Variants in PKHD1L1 observed in about 807,000 individuals in gnomAD.
The protein encoded by PKHD1L1 is PKHD1 like 1, also known as fibrocystin-L.
A neutral mutation model predicts 462.9 loss-of-function variants in PKHD1L1; 434 were observed. The ratio of observed to expected loss-of-function variants is 0.94; its 90% CI spans 0.87 to 1.02. PKHD1L1 has a LOEUF of 1.02. Among genes scored for constraint, PKHD1L1 ranks in the 50% least tolerant of loss-of-function variants. The pLI is 0.00. For missense variants in PKHD1L1, 5,202 were observed against 5,096.1 expected (o/e 1.02, Z -0.63); for synonymous variants, 1,781 against 1,750.0 (o/e 1.02, Z -0.44).
chr8:109,464,194 C>A, intron 48 of PKHD1L1, 22 bp from the exon 49 acceptor site: 1 of 1,513,100 alleles, frequency 6.6e-7, no homozygotes, highest in Non-Finnish European at 8.9e-7. Flanking sequence ...TACTAAATAA[C>A]TGTGATTTCT....
intron 48 of PKHD1L1, among the ~76,000 whole-genome samples, chr8:109,462,555 A>G (rs1343454569): frequency 6.6e-6 from 1 of 151,780 alleles, no homozygotes; most frequent in Admixed American, 6.6e-5. Flanking sequence ...TTATTTATTT[A>G]TTGTTGAGAT....
chr8:109,444,048 T>C (rs1563549251), intron 37 of PKHD1L1, 146 bp downstream of exon 37: 1 of 732,992 alleles, frequency 1.4e-6, no homozygotes, highest in African/African-American at 1.8e-5. Context: ...GTACAATTCA[T>C]AAACTTTTAG....
Position 109,390,473 on chromosome 8 carries a change from T to C in PKHD1L1, c.719T>C (p.Ile240Thr). ...CCAGGTCATCACAATGTCAGCTTCATCTTAGATAATGATTATGGAAGGTAG... is the reference window on the plus strand; with the variant it reads ...CCAGGTCATCACAATGTCAGCTTCACCTTAGATAATGATTATGGAAGGTAG... ...TFIGHHNVSF[I>T]LDNDYGRSFP... The change falls in exon 9 of 78, where the codon ATC becomes ACC. Residue 240 changes from isoleucine to threonine, a missense_variant. Ile to Thr is a moderately conservative substitution (Grantham distance 89, BLOSUM62 -1). Around this residue, in one of 3 missense-constraint regions of PKHD1L1, gnomAD observed 4,497 missense variants for 4,336.8 expected, o/e 1.04. Transcript: ENST00000378402. 1.4e-6 allele frequency: 2 copies of C among 1,448,898 alleles called. No homozygotes were observed. The highest frequency in any genetic ancestry group is 1.9e-6 in the Non-Finnish European group (2 of 1,077,508). The allele number at this position is 1,448,898 out of a possible 1,614,324, so 89.8% of individuals were successfully genotyped here.
At chr8:109,405,466 T>G (rs1298115761) in intron 16 of PKHD1L1, among the ~76,000 whole-genome samples, 1 of 152,076 alleles carries the variant, frequency 6.6e-6, no homozygotes, top group Non-Finnish European at 1.5e-5. Flanking sequence ...AATGATAGAC[T>G]GGATAAAGAA....
In PKHD1L1 at chr8:109,426,915, A is replaced by G. The variant is rs1814780096; in HGVS notation, c.2846-87A>G. 1.3e-6 allele frequency: 1 copy of G among 768,618 alleles called. No homozygotes were observed. Among genetic ancestry groups the G allele is most frequent in the Non-Finnish European group, 2.3e-6 (1 of 443,870 alleles). The allele number at this position is 768,618 out of a possible 1,614,324, so 47.6% of individuals were successfully genotyped here. On this transcript the variant is annotated intron_variant, in intron 24 of 77. Coordinates refer to ENST00000378402, the MANE Select transcript of PKHD1L1 (RefSeq NM_177531.6). ...TGACCCGCCCGCTTTGGCCTCCCAA[A>G]GTGCTAAGATTACAGGCGTGAACCA...
rs144704222 is a variant in PKHD1L1, at chr8:109,532,272, C to A, written c.*2182C>A. On this transcript the variant is annotated 3_prime_UTR_variant, in exon 78 of 78. Transcript: ENST00000378402. ...CTTTGTTAAAAAGTTCCTGTTTTAA[C>A]TGCTTTAGGCTTCTGGCTGTCTGCT... 4.3e-4 allele frequency among the ~76,000 whole-genome samples: 66 copies of A among 152,274 alleles called. 1 individual carries two copies. In the East Asian group the frequency reaches 0.012, roughly 27 times the overall value.
intron 63 of PKHD1L1, among the ~76,000 whole-genome samples, chr8:109,496,576 G>T (rs1248247831): frequency 6.6e-6 from 1 of 152,204 alleles, no homozygotes; most frequent in Non-Finnish European, 1.5e-5. Flanking sequence ...ACAGTGAAGA[G>T]ACTAGTTAGA....
chr8:109,498,477 G>A lies in PKHD1L1; in HGVS notation c.10615G>A (p.Gly3539Arg), dbSNP rs1396032288. 2.7e-5 allele frequency: 43 copies of A among 1,609,618 alleles called. No individual in the cohort carries two copies. Among genetic ancestry groups the A allele is most frequent in the Non-Finnish European group, 3.5e-5 (41 of 1,176,106 alleles). Residue 3539 changes from glycine to arginine, a missense_variant, in exon 66 of 78, where the codon GGA becomes AGA. Physicochemically the swap from Gly to Arg is moderately radical, Grantham distance 125 (BLOSUM62 -2). Coordinates refer to ENST00000378402, the MANE Select transcript of PKHD1L1 (RefSeq NM_177531.6). ...NVQIKSSLIV[G>R]SSPGFNCSDV... Reference sequence around the variant, plus strand: ...TTCCAAACAGAGCTCATTAATTGTTGGAAGTAGCCCTGGGTTTAATTGCTC... The same window carrying A: ...TTCCAAACAGAGCTCATTAATTGTTAGAAGTAGCCCTGGGTTTAATTGCTC...
intron 62 of PKHD1L1, among the ~76,000 whole-genome samples, chr8:109,492,956 T>C (rs1239850109): frequency 6.6e-6 from 1 of 151,748 alleles, no homozygotes; most frequent in Non-Finnish European, 1.5e-5. Context: ...GCATACATTA[T>C]ATAAACTAGT....
rs866115531 is a variant in PKHD1L1, at chr8:109,526,724, C to A, written c.12485-60C>A. On this transcript the variant is annotated intron_variant, in intron 76 of 77. Coordinates refer to ENST00000378402, the MANE Select transcript of PKHD1L1 (RefSeq NM_177531.6). ...TCAGTCAATGAAAATCAAATGGGAA[C>A]GGTATGAAAACAAGTAAAACATAAA... 217 of 1,346,774 alleles carry A rather than the reference C, an allele frequency of 1.6e-4. 3 individuals are homozygous for A. The Middle Eastern group carries it at 2.4e-3, about 15-fold the overall frequency. The allele number at this position is 1,346,774 out of a possible 1,614,324, so 83.4% of individuals were successfully genotyped here. A position where few individuals can be genotyped will look rare whatever the true frequency, so the allele number is the denominator to read the frequency against.
chr8:109,481,599 T>A, intron 56 of PKHD1L1, 37 bp downstream of exon 56: 1 of 1,497,962 alleles, frequency 6.7e-7, no homozygotes, highest in Non-Finnish European at 8.9e-7. Flanking sequence ...TCACATCTGT[T>A]TTAAGAATCT....
At chr8:109,410,440 A>C (rs1272982497) in intron 19 of PKHD1L1, among the ~76,000 whole-genome samples, 1 of 152,090 alleles carries the variant, frequency 6.6e-6, no homozygotes, top group Non-Finnish European at 1.5e-5. Context: ...CAAAGGGGGA[A>C]CAGGCACGTC....
intron 71 of PKHD1L1, among the ~76,000 whole-genome samples, chr8:109,512,139 G>A (rs1820023749): frequency 6.6e-6 from 1 of 152,012 alleles, no homozygotes; most frequent in Non-Finnish European, 1.5e-5. Flanking sequence ...CTCCCATTTT[G>A]TAGGTTGCCT....
Position 109,401,545 on chromosome 8 carries a change from C to A in PKHD1L1, c.1330C>A (p.Pro444Thr). 1 of 1,594,332 alleles carries A rather than the reference C, an allele frequency of 6.3e-7. No homozygotes were observed. The highest frequency in any genetic ancestry group is 8.6e-7 in the Non-Finnish European group (1 of 1,163,908). Residue 444 changes from proline (P) to threonine (T), a missense_variant, in exon 14 of 78, where the codon CCA becomes ACA. Transcript: ENST00000378402. ...TAATGCCAACAGTTATTTTTCCAGTCCAACACAAAGATCAGATGATATTCA... is the reference window on the plus strand; with the variant it reads ...TAATGCCAACAGTTATTTTTCCAGTACAACACAAAGATCAGATGATATTCA... The part of the protein sequence containing the change: ...SANANSYFSS[P>T]TQRSDDIHLQ...
At chr8:109,511,908 C>T (rs185353950) in intron 71 of PKHD1L1, among the ~76,000 whole-genome samples, 1 of 152,302 alleles carries the variant, frequency 6.6e-6, no homozygotes, top group East Asian at 1.9e-4. Flanking sequence ...GAGATGGTAT[C>T]TCATTGTGGT....
chr8:109,445,349 C>T lies in PKHD1L1; in HGVS notation c.5480C>T (p.Thr1827Ile). Residue 1827 changes from threonine to isoleucine, a missense_variant, in exon 38 of 78, where the codon ACT becomes ATT. Thr to Ile is a moderately conservative substitution (Grantham distance 89). This residue lies in a region of PKHD1L1 where 4,497 missense variants were observed against 4,336.8 expected (regional missense o/e 1.04). Transcript: ENST00000378402. ...GSKGLALGNLTVSSPPVASLS... is the reference protein window; with the variant it reads ...GSKGLALGNLIVSSPPVASLS... ...AAAGGCTTGGCTCTGGGAAACCTGA[C>T]TGTCAGCAGCCCCCCAGTAGCATCT... 1 of 1,613,964 alleles carries T rather than the reference C, an allele frequency of 6.2e-7. No homozygotes were observed. Among genetic ancestry groups the T allele is most frequent in the Non-Finnish European group, 8.5e-7 (1 of 1,179,882 alleles).
At chr8:109,460,894 T>G (rs1817084023) in intron 47 of PKHD1L1, among the ~76,000 whole-genome samples, 1 of 152,118 alleles carries the variant, frequency 6.6e-6, no homozygotes, top group East Asian at 1.9e-4. Context: ...GGAGATGAGA[T>G]TACTGGAAAG....
rs769988724 is a variant in PKHD1L1, at chr8:109,448,356, AC to A, written c.5993del (p.Pro1998ArgfsTer20). On this transcript the variant is annotated frameshift_variant, in exon 39 of 78. Coordinates refer to ENST00000378402, the MANE Select transcript of PKHD1L1 (RefSeq NM_177531.6). LOFTEE classifies it high-confidence loss of function. ...GCCATGTCCACAGTTGTATTTGAGT[AC>A]CCGCTTAATATTCAAAATATTAATC... ...GSAMSTVVFE[Y>X]PLNIQNINPS... The A allele has an allele frequency of 2.7e-4, 428 of 1,613,344 alleles. No homozygotes were observed. Among genetic ancestry groups the A allele is most frequent in the Non-Finnish European group, 3.4e-4 (402 of 1,179,634 alleles).
In PKHD1L1 at chr8:109,440,828, C is replaced by A; in HGVS notation, c.4075C>A (p.Pro1359Thr). The A allele has an allele frequency of 1.9e-6, 3 of 1,612,658 alleles. No homozygotes were observed. Among genetic ancestry groups the A allele is most frequent in the Non-Finnish European group, 2.5e-6 (3 of 1,179,088 alleles). The stretch of plus-strand genomic sequence containing the variant: ...AAGGGGTTTTGGATTCAGCACAATA[C>A]CAGCTGAGAATACCGTGCTGTTAGG... ...TIRGFGFSTIPAENTVLLGSI... is the reference protein window; with the variant it reads ...TIRGFGFSTITAENTVLLGSI... The change falls in exon 33 of 78, where the codon CCA becomes ACA. Residue 1359 changes from proline to threonine, a missense_variant. Transcript: ENST00000378402.
Sources: gnomAD v4.1 joint callset for allele counts (sites outside exome capture counted in the v4.1 genomes callset) on GRCh38, gnomAD v4.1.1 for gene constraint, gnomAD v4.1.1 regional missense constraint, MANE v1.5 for transcripts, NCBI Gene and HGNC (gene_info 2026-07-23, HGNC 2026-07-21) for gene names.